The following RNF123 variants were observed in gnomAD, a reference collection of about 807,000 sequenced individuals.
RNF123 encodes ring finger protein 123.
A neutral mutation model predicts 168.5 loss-of-function variants in RNF123; 86 were observed. The ratio of observed to expected loss-of-function variants is 0.51; its 90% CI spans 0.43 to 0.61. RNF123 has a LOEUF of 0.61. Ranked by LOEUF, RNF123 falls within the 20% of genes least tolerant of loss-of-function variation. RNF123 has a pLI of 0.00. For missense variants in RNF123, 1,419 were observed against 1,729.7 expected (o/e 0.82, Z 3.19); for synonymous variants, 666 against 689.1 (o/e 0.97, Z 0.52).
intron 35 of RNF123, chr3:49,717,018 A>C (rs950071761): frequency 6.5e-6 from 1 of 154,946 alleles, no homozygotes; most frequent in African/African-American, 2.4e-5. Flanking sequence ...CTCAGCCATT[A>C]GGCTGAGACC....
At position 49,697,899 on chromosome 3, in the gene RNF123, C is replaced by T. The variant is rs745906023; in HGVS notation, c.357C>T (p.Ser119=). 2.5e-6 allele frequency: 4 copies of T among 1,614,096 alleles called. No individual in the cohort carries two copies. The African/African-American group carries it at 5.3e-5, about 22-fold the overall frequency. Residue 119 remains serine (S), a synonymous_variant, in exon 6 of 39, where the codon AGC becomes AGT. Coordinates refer to ENST00000327697, the MANE Select transcript of RNF123 (RefSeq NM_022064.5). ...TCTTCACCCAGGTGATTGGACACAG[C>T]AACTTTGGCACCATCCGCTCTACCA... ...DDDLLGVIGH[S]NFGTIRSTTC...
intron 1 of RNF123, among the ~76,000 whole-genome samples, chr3:49,690,924 A>G (rs995565396): frequency 7.2e-5 from 11 of 152,178 alleles, no homozygotes; most frequent in African/African-American, 2.7e-4. Flanking sequence ...ACTGGAGAAC[A>G]AGAAGTGGTC....
At position 49,710,132 on chromosome 3, in the gene RNF123, G is replaced by A. The variant is rs192880052; in HGVS notation, c.2497-2347G>A. On this transcript the variant is annotated intron_variant, in intron 26 of 38. Transcript: ENST00000327697. ...ATTATAGGCATGAGCCACCACACCC[G>A]GCAATTTCTACTTTTTTAATAGTAA... is the stretch of plus-strand genomic sequence containing the variant. Among the ~76,000 whole-genome samples the A allele has an allele frequency of 1.9e-3, 294 of 152,106 alleles. 2 individuals are homozygous for A. The highest frequency in any genetic ancestry group is 6.6e-3 in the African/African-American group (274 of 41,494).
At chr3:49,718,371 G>T in intron 35 of RNF123, 1 of 1,613,356 alleles carries the variant, frequency 6.2e-7, no homozygotes, top group Middle Eastern at 1.6e-4. Context: ...CGTTGTACTC[G>T]TGCGTCTGGT....
intron 26 of RNF123, among the ~76,000 whole-genome samples, chr3:49,709,739 A>G (rs1479913292): frequency 6.6e-6 from 1 of 150,866 alleles, no homozygotes; most frequent in Admixed American, 6.6e-5. Flanking sequence ...GCGCCCTGCA[A>G]TTTTTGTATT....
chr3:49,718,230 A>ACGGCGGCAG, intron 35 of RNF123: 1 of 1,610,766 alleles, frequency 6.2e-7, no homozygotes, highest in Non-Finnish European at 8.5e-7. Context: ...AGCGGCAGGC[A>ACGGCGGCAG]CGGCGGCAGC....
Position 49,697,360 on chromosome 3 carries a change from C to T in RNF123, c.248-3C>T, listed in dbSNP as rs769073184. 2 of 1,607,002 alleles carry T rather than the reference C, an allele frequency of 1.2e-6. No homozygotes were observed. The highest frequency in any genetic ancestry group is 3.3e-4 in the Middle Eastern group (2 of 6,022). ...TGCCTGACCCCACCTCTCCTCTTTT[C>T]AGGACAGGTTGAAGGGCGGCTTGGC... On this transcript the variant is annotated splice_polypyrimidine_tract_variant and splice_region_variant and intron_variant, in intron 4 of 38. Transcript: ENST00000327697.
intron 1 of RNF123, among the ~76,000 whole-genome samples, chr3:49,690,257 C>G (rs1386234839): frequency 6.6e-6 from 1 of 152,244 alleles, no homozygotes; most frequent in Admixed American, 6.5e-5. Context: ...AACGTTCTAC[C>G]TTTGTGCTGT....
chr3:49,700,727 C>T lies in RNF123; in HGVS notation c.1277+18C>T. ...AATGTCCTGTATCCTTTCCTTGCTG[C>T]CTGGCAGGCCAGACATGGGGTGCCC... On this transcript the variant is annotated intron_variant, in intron 15 of 38. Transcript: ENST00000327697. 1 of 1,613,582 alleles carries T rather than the reference C, an allele frequency of 6.2e-7. No individual in the cohort carries two copies. Among genetic ancestry groups the T allele is most frequent in the Non-Finnish European group, 8.5e-7 (1 of 1,179,638 alleles).
intron 3 of RNF123, among the ~76,000 whole-genome samples, chr3:49,695,661 A>G (rs1333932103): frequency 1.3e-5 from 2 of 152,068 alleles, no homozygotes; most frequent in South Asian, 2.1e-4. Context: ...TGCTTGTCCA[A>G]CCTTTGTCCC....
chr3:49,716,534 G>C, intron 35 of RNF123, 57 bp downstream of exon 35: 8 of 1,379,648 alleles, frequency 5.8e-6, no homozygotes, highest in East Asian at 2.3e-5. Context: ...GTGAGGAGGG[G>C]CTGGACAGGG....
At chr3:49,711,068 A>T (rs2080135874) in intron 26 of RNF123, among the ~76,000 whole-genome samples, 1 of 152,180 alleles carries the variant, frequency 6.6e-6, no homozygotes, top group East Asian at 1.9e-4. Context: ...CAAAAAAAAC[A>T]AAATTTAATT....
intron 26 of RNF123, among the ~76,000 whole-genome samples, chr3:49,712,031 C>T (rs2108196197): frequency 6.6e-6 from 1 of 152,238 alleles, no homozygotes; most frequent in East Asian, 1.9e-4. Context: ...TCAAGACCAG[C>T]CTGGCCAACA....
In RNF123 at chr3:49,702,761, G is replaced by T; in HGVS notation, c.1750+8G>T. 6.2e-7 allele frequency: 1 copy of T among 1,614,054 alleles called. No homozygotes were observed. The highest frequency in any genetic ancestry group is 1.1e-5 in the South Asian group (1 of 91,070). On this transcript the variant is annotated splice_region_variant and intron_variant, in intron 20 of 38. Transcript: ENST00000327697. ...ATGCTTCCTTCAGTGAGGGTGAGTG[G>T]CACCGGGGTCCCAGGTCAGTGAGGC...
intron 26 of RNF123, among the ~76,000 whole-genome samples, chr3:49,710,027 G>A (rs973677227): frequency 4.0e-5 from 6 of 150,732 alleles, no homozygotes; most frequent in East Asian, 1.9e-4. Context: ...CTTGGTAGAC[G>A]CAGGGTCTCA....
intron 15 of RNF123, among the ~76,000 whole-genome samples, chr3:49,701,140 G>A (rs2054373869): frequency 6.6e-6 from 1 of 152,222 alleles, no homozygotes; most frequent in East Asian, 1.9e-4. Context: ...CGTTTTCTTG[G>A]TCTGGGGTCT....
intron 26 of RNF123, among the ~76,000 whole-genome samples, chr3:49,708,545 C>G (rs1044723799): frequency 6.6e-6 from 1 of 152,238 alleles, no homozygotes; most frequent in Admixed American, 6.5e-5. Flanking sequence ...CATGAGGGGA[C>G]CACCATGGCC....
Position 49,721,476 on chromosome 3 carries a change from T to C in RNF123, c.*171T>C, listed in dbSNP as rs1428263907. On this transcript the variant is annotated 3_prime_UTR_variant, in exon 39 of 39. Transcript: ENST00000327697. The stretch of plus-strand genomic sequence containing the variant: ...GCCCAGCCATGGCCCTAATTGTGCC[T>C]GAGCTTGACTTTCAGTCAGGGCCAC... 2 of 953,094 alleles carry C rather than the reference T, an allele frequency of 2.1e-6. No individual in the cohort carries two copies. Among genetic ancestry groups the C allele is most frequent in the East Asian group, 2.4e-5 (1 of 41,592 alleles). The allele number at this position is 953,094 out of a possible 1,614,324, so 59.0% of individuals were successfully genotyped here. A position where few individuals can be genotyped will look rare whatever the true frequency, so the allele number is the denominator to read the frequency against.
At chr3:49,700,374 C>T (rs766464134) in intron 13 of RNF123, 22 bp downstream of exon 13, 2 of 1,613,754 alleles carry the variant, frequency 1.2e-6, no homozygotes, top group Admixed American at 1.7e-5. Flanking sequence ...GACCTCAGGC[C>T]TCAGGCCTGG....
Sources: allele counts gnomAD v4.1 joint callset (sites outside exome capture counted in the v4.1 genomes callset), GRCh38; gene constraint gnomAD v4.1.1; transcripts MANE v1.5; gene names NCBI Gene and HGNC (gene_info 2026-07-23, HGNC 2026-07-21).